DENND4C: variants seen among roughly 807,000 people sequenced by gnomAD.
DENND4C encodes the protein DENN domain-containing protein 4C.
In DENND4C, 108 loss-of-function variants were observed where a neutral mutation model predicts 203.0. The observed-to-expected ratio is 0.53, with a 90% CI of 0.46 to 0.62. The LOEUF is 0.62. DENND4C is among the 20% of genes least tolerant of loss of function. The pLI, the probability that DENND4C is intolerant of heterozygous loss-of-function variation, is 0.00. For missense variants in DENND4C, 2,481 were observed against 2,301.2 expected (o/e 1.08, Z -1.60); for synonymous variants, 871 against 792.4 (o/e 1.10, Z -1.67).
At chr9:19,286,333 T>A (rs1431203251) in intron 2 of DENND4C, among the ~76,000 whole-genome samples, 1 of 152,200 alleles carries the variant, frequency 6.6e-6, no homozygotes, top group Non-Finnish European at 1.5e-5. Context: ...TTTCTTTAAA[T>A]AACGTTTTAT....
rs1818221845 is a variant in DENND4C at position 19,328,173 on chromosome 9, CT to C, written c.2253+14del. On this transcript the variant is annotated intron_variant, in intron 16 of 32. Transcript: ENST00000434457. ...AAGAGAACTAAACAGGTCAGATATT[CT>C]TTATCTAATACATGTTCATTTAAGA... 1.3e-6 allele frequency: 2 copies of C among 1,597,008 alleles called. No homozygotes were observed. Among genetic ancestry groups the C allele is most frequent in the Non-Finnish European group, 1.7e-6 (2 of 1,174,570 alleles).
At chr9:19,250,802 C>T (rs1316369297) in intron 1 of DENND4C, among the ~76,000 whole-genome samples, 1 of 152,216 alleles carries the variant, frequency 6.6e-6, no homozygotes, top group Non-Finnish European at 1.5e-5. Flanking sequence ...GACTCCATGT[C>T]TCACGTCCAG....
intron 1 of DENND4C, among the ~76,000 whole-genome samples, chr9:19,238,475 CTCCCCTCCCCCT>C (rs1822657047): frequency 5.3e-5 from 2 of 37,502 alleles, no homozygotes; most frequent in Non-Finnish European, 1.0e-4. Flanking sequence ...TCCCTCTCCC[CTCCCCTCCCCCT>C]TCTCCTCCCC....
chr9:19,352,659 C>T lies in DENND4C; in HGVS notation c.4775C>T (p.Ser1592Phe). 1 of 1,595,808 alleles carries T rather than the reference C, an allele frequency of 6.3e-7. No homozygotes were observed. The highest frequency in any genetic ancestry group is 8.5e-7 in the Non-Finnish European group (1 of 1,169,644). Residue 1592 changes from serine to phenylalanine, a missense_variant, in exon 26 of 33, where the codon TCT becomes TTT. Transcript: ENST00000434457. The part of the protein sequence containing the change: ...LNIEFKDLRG[S>F]ASFFLKPSTS... ...ATAGAATTCAAAGATTTGAGAGGTT[C>T]TGCAAGGTTAGTCTTATAAAAGCTC...
chr9:19,249,303 A>G (rs1240028012), intron 1 of DENND4C, among the ~76,000 whole-genome samples: 1 of 150,406 alleles, frequency 6.6e-6, no homozygotes, highest in Non-Finnish European at 1.5e-5. Flanking sequence ...CCCAGGCTGG[A>G]GTGCAATGGC....
chr9:19,232,720 G>A (rs759314272), intron 1 of DENND4C, among the ~76,000 whole-genome samples: 2 of 152,168 alleles, frequency 1.3e-5, no homozygotes, highest in African/African-American at 4.8e-5. Flanking sequence ...AACTGTAGTG[G>A]TGTGTAGGCT....
In DENND4C at chr9:19,350,855, G is replaced by A. The variant is rs780390351; in HGVS notation, c.4471G>A (p.Val1491Ile). 3.1e-6 allele frequency: 5 copies of A among 1,613,702 alleles called. No homozygotes were observed. The African/African-American group carries it at 4.0e-5, about 13-fold the overall frequency. ...TGGCAGTAGCAGCAGTAGTGGAGAT[G>A]TAGGAAAACTGCATTATCCAACAGG... ...SLGSSSSSGD[V>I]GKLHYPTGEV... The change falls in exon 24 of 33, where the codon GTA becomes ATA. Residue 1491 changes from valine to isoleucine, a missense_variant. Val to Ile is a conservative substitution (Grantham distance 29, BLOSUM62 3). This residue lies in a region of DENND4C where 2,289 missense variants were observed against 2,113.3 expected (regional missense o/e 1.08). Coordinates refer to ENST00000434457, the MANE Select transcript of DENND4C (RefSeq NM_001330640.2).
rs758782737 is a variant in DENND4C at position 19,342,701 on chromosome 9, G to A, written c.3073G>A (p.Glu1025Lys). 4 of 1,613,482 alleles carry A rather than the reference G, an allele frequency of 2.5e-6. No homozygotes were observed. In the East Asian group the frequency reaches 6.7e-5, roughly 27 times the overall value. ...QPSPEPHSPT[E>K]PPAWGSSIVK... Reference sequence around the variant, plus strand: ...TAGTCCAGAGCCTCACAGTCCTACTGAACCTCCTGCATGGGGCAGCAGTAT... The same window carrying A: ...TAGTCCAGAGCCTCACAGTCCTACTAAACCTCCTGCATGGGGCAGCAGTAT... The change falls in exon 22 of 33, where the codon GAA (glutamate) becomes AAA (lysine). Residue 1025 changes from glutamate to lysine, a missense_variant. Glu to Lys is a moderately conservative substitution (Grantham distance 56). Around this residue, in one of 3 missense-constraint regions of DENND4C, gnomAD observed 2,289 missense variants for 2,113.3 expected, o/e 1.08. Coordinates refer to ENST00000434457, the MANE Select transcript of DENND4C (RefSeq NM_001330640.2).
At chr9:19,354,971 G>A (rs1277308403) in intron 26 of DENND4C, among the ~76,000 whole-genome samples, 1 of 149,670 alleles carries the variant, frequency 6.7e-6, no homozygotes, top group African/African-American at 2.5e-5. Context: ...GTACAGTGGC[G>A]CAATCTTGGC....
intron 1 of DENND4C, among the ~76,000 whole-genome samples, chr9:19,265,958 T>C (rs1830411450): frequency 6.6e-6 from 1 of 152,236 alleles, no homozygotes. Flanking sequence ...TTTAATCCTT[T>C]GGGTATATAC....
chr9:19,240,996 C>G (rs985417515), intron 1 of DENND4C, among the ~76,000 whole-genome samples: 2 of 152,026 alleles, frequency 1.3e-5, no homozygotes, highest in South Asian at 2.1e-4. Flanking sequence ...CAGAACAGAA[C>G]GGAACACAGA....
In DENND4C at chr9:19,358,156, T is replaced by A. The variant is rs199714851; in HGVS notation, c.5156T>A (p.Val1719Asp). 8.7e-6 allele frequency: 14 copies of A among 1,612,780 alleles called. No individual in the cohort carries two copies. In the African/African-American group the frequency reaches 1.7e-4, roughly 20 times the overall value. The change falls in exon 28 of 33, where the codon GTT becomes GAT. Residue 1719 changes from valine to aspartate, a missense_variant. Around this residue, in one of 3 missense-constraint regions of DENND4C, gnomAD observed 2,289 missense variants for 2,113.3 expected, o/e 1.08. Transcript: ENST00000434457. This position sits in a 1 kb window ranked among gnomAD's most constrained non-coding sequence, Gnocchi z 4.8. ...TVSLPNSLQE[V>D]VDPLGKRPNP... The stretch of plus-strand genomic sequence containing the variant: ...AGTCTTCCAAATAGTCTGCAGGAAG[T>A]TGTGGTATGTAACAACAACAACATT...
At chr9:19,240,746 C>A (rs1044179893) in intron 1 of DENND4C, among the ~76,000 whole-genome samples, 1 of 151,406 alleles carries the variant, frequency 6.6e-6, no homozygotes, top group African/African-American at 2.4e-5. Context: ...GCAGGCAGAT[C>A]ACTTGAGGTC....
At chr9:19,296,456 C>G (rs1837486797) in intron 6 of DENND4C, among the ~76,000 whole-genome samples, 2 of 151,688 alleles carry the variant, frequency 1.3e-5, no homozygotes, top group East Asian at 1.9e-4. Flanking sequence ...CCTCCACCTC[C>G]TGGGTTCATG....
intron 1 of DENND4C, among the ~76,000 whole-genome samples, chr9:19,244,526 G>T (rs1824631720): frequency 6.6e-6 from 1 of 151,462 alleles, no homozygotes; most frequent in South Asian, 2.1e-4. Context: ...GGAGCATGAG[G>T]TCAAGAGATC....
intron 1 of DENND4C, among the ~76,000 whole-genome samples, chr9:19,263,138 G>C (rs1229480737): frequency 6.6e-6 from 1 of 152,096 alleles, no homozygotes; most frequent in African/African-American, 2.4e-5. Context: ...GAGAGTTTTT[G>C]TCATGAAAGG....
At chr9:19,307,029 C>T (rs1332409132) in intron 10 of DENND4C, among the ~76,000 whole-genome samples, 1 of 151,978 alleles carries the variant, frequency 6.6e-6, no homozygotes. Context: ...GGTGATCCAC[C>T]CACCTTGGCC....
intron 1 of DENND4C, among the ~76,000 whole-genome samples, chr9:19,252,727 A>G (rs1236273526): frequency 1.3e-5 from 2 of 151,500 alleles, no homozygotes; most frequent in African/African-American, 4.9e-5. Flanking sequence ...ACACACACAC[A>G]CACACACACA....
At chr9:19,293,906 C>T (rs778981492) in intron 5 of DENND4C, among the ~76,000 whole-genome samples, 15 of 152,122 alleles carry the variant, frequency 9.9e-5, no homozygotes, top group Non-Finnish European at 2.2e-4. Context: ...GTTAGGGCTT[C>T]AGTAGTTGCT....
Sources: allele counts gnomAD v4.1 joint callset (sites outside exome capture counted in the v4.1 genomes callset), GRCh38; gene constraint gnomAD v4.1.1; regional missense constraint gnomAD v4.1.1; non-coding constraint Gnocchi (gnomAD v3.1); transcripts MANE v1.5; gene names NCBI Gene and HGNC (gene_info 2026-07-23, HGNC 2026-07-21).